PDE1A: variants seen among roughly 807,000 people sequenced by gnomAD.
PDE1A encodes the protein dual specificity calcium/calmodulin-dependent 3',5'-cyclic nucleotide phosphodiesterase 1A.
PDE1A carries 35 observed loss-of-function variants against 61.7 expected under a neutral mutation model. The ratio of observed to expected loss-of-function variants is 0.57; its 90% confidence interval spans 0.43 to 0.75. PDE1A has a LOEUF of 0.75. Among genes scored for constraint, PDE1A ranks in the 30% least tolerant of loss-of-function variants. The pLI is 0.00. For missense variants in PDE1A, 597 were observed against 630.6 expected, an observed-to-expected ratio of 0.95 and a Z score of 0.57; for synonymous variants, 232 against 213.2, an observed-to-expected ratio of 1.09 and a Z score of -0.77.
At chr2:182,597,019 G>A in the PDE1A span, among the ~76,000 whole-genome samples, 1 of 152,068 alleles carries the variant, frequency 6.6e-6, no homozygotes, top group South Asian at 2.1e-4. Context: ...TGGGCACAGT[G>A]TTGAATGCCT....
At chr2:182,375,756 T>C (rs1314109424) in intron 1 of PDE1A, among the ~76,000 whole-genome samples, 2 of 152,230 alleles carry the variant, frequency 1.3e-5, no homozygotes, top group Non-Finnish European at 2.9e-5. Flanking sequence ...AGGTTCTCCA[T>C]GAGAGCCCCA....
chr2:182,163,600 G>A (rs1047940615), downstream of PDE1A, among the ~76,000 whole-genome samples: 2 of 152,156 alleles, frequency 1.3e-5, no homozygotes, highest in Admixed American at 1.3e-4. Flanking sequence ...GTCCAGTGGT[G>A]CAGGGCCTGT....
chr2:182,421,388 C>G (rs1239418790), intron 1 of PDE1A, among the ~76,000 whole-genome samples: 1 of 152,110 alleles, frequency 6.6e-6, no homozygotes, highest in African/African-American at 2.4e-5. Flanking sequence ...TGACTCTATA[C>G]CCAAAATTAT....
At chr2:182,294,225 GA>G (rs990468267) in intron 1 of PDE1A, among the ~76,000 whole-genome samples, 1 of 152,214 alleles carries the variant, frequency 6.6e-6, no homozygotes, top group African/African-American at 2.4e-5. Flanking sequence ...AACCTTGGAT[GA>G]GGGGGGAGCT....
At chr2:182,560,530 G>C in the PDE1A span, among the ~76,000 whole-genome samples, 6 of 151,300 alleles carry the variant, frequency 4.0e-5, no homozygotes, top group African/African-American at 1.5e-4. Flanking sequence ...ACATACGTGT[G>C]CATGTGTCTT....
intron 6 of PDE1A, among the ~76,000 whole-genome samples, chr2:182,229,197 T>C (rs1367434717): frequency 6.6e-6 from 1 of 152,052 alleles, no homozygotes; most frequent in Non-Finnish European, 1.5e-5. Context: ...GTAAAAAAAA[T>C]GCATTCAAGC....
chr2:182,578,293 G>C, the PDE1A span, among the ~76,000 whole-genome samples: 1 of 151,780 alleles, frequency 6.6e-6, no homozygotes, highest in Non-Finnish European at 1.5e-5. Context: ...TTCTTACAAA[G>C]CAAATTTAAG....
chr2:182,603,523 A>AT, the PDE1A span, among the ~76,000 whole-genome samples: 3 of 151,970 alleles, frequency 2.0e-5, no homozygotes, highest in Non-Finnish European at 4.4e-5. Context: ...TAATTTTGGT[A>AT]TTTTTTAGTA....
At chr2:182,325,126 T>C (rs1207899859) in intron 1 of PDE1A, among the ~76,000 whole-genome samples, 1 of 152,084 alleles carries the variant, frequency 6.6e-6, no homozygotes, top group Non-Finnish European at 1.5e-5. Flanking sequence ...GGAGCAAAAA[T>C]GGTAATAAAT....
the PDE1A span, among the ~76,000 whole-genome samples, chr2:182,557,671 C>T: frequency 6.6e-6 from 1 of 152,014 alleles, no homozygotes; most frequent in Non-Finnish European, 1.5e-5. Flanking sequence ...AAAATCGTGC[C>T]ACTGCACTCT....
At chr2:182,337,741 A>C (rs1193023738) in intron 1 of PDE1A, among the ~76,000 whole-genome samples, 2 of 152,198 alleles carry the variant, frequency 1.3e-5, no homozygotes, top group African/African-American at 2.4e-5. Flanking sequence ...AGTTATGTCA[A>C]ATTGGACTTA....
intron 1 of PDE1A, among the ~76,000 whole-genome samples, chr2:182,397,313 G>A (rs564944543): frequency 2.0e-4 from 30 of 152,116 alleles, no homozygotes; most frequent in African/African-American, 6.5e-4. Context: ...CTTGTAGGTC[G>A]AAAACAGTTC....
intron 2 of PDE1A, among the ~76,000 whole-genome samples, chr2:182,507,808 C>T (rs957412623): frequency 2.0e-5 from 3 of 151,872 alleles, no homozygotes. Flanking sequence ...ATACTGCAAC[C>T]AGTGGGAAGT....
At chr2:182,655,722 G>A in the PDE1A span, among the ~76,000 whole-genome samples, 1 of 152,300 alleles carries the variant, frequency 6.6e-6, no homozygotes, top group African/African-American at 2.4e-5. Context: ...CTAGCCAGTA[G>A]GTGGGGGTCA....
chr2:182,566,141 A>G, the PDE1A span, among the ~76,000 whole-genome samples: 1 of 152,114 alleles, frequency 6.6e-6, no homozygotes, highest in South Asian at 2.1e-4. Context: ...TTGTTTTCAC[A>G]TAGGCCATTA....
intron 1 of PDE1A, among the ~76,000 whole-genome samples, chr2:182,315,411 T>C (rs1696274928): frequency 6.6e-6 from 1 of 152,052 alleles, no homozygotes; most frequent in Non-Finnish European, 1.5e-5. Context: ...AAGACAAATA[T>C]TAGTAAATAA....
chr2:182,487,302 C>T (rs1028546967), intron 2 of PDE1A, among the ~76,000 whole-genome samples: 3 of 152,134 alleles, frequency 2.0e-5, no homozygotes, highest in Non-Finnish European at 4.4e-5. Flanking sequence ...GTGGAACTCT[C>T]ATACACTGCT....
At chr2:182,361,956 T>A (rs1294051788) in intron 1 of PDE1A, among the ~76,000 whole-genome samples, 2 of 151,982 alleles carry the variant, frequency 1.3e-5, no homozygotes, top group Non-Finnish European at 1.5e-5. Flanking sequence ...AAAGGAACAG[T>A]TTCAACTGCA....
the PDE1A span, among the ~76,000 whole-genome samples, chr2:182,659,166 T>C: frequency 5.9e-5 from 9 of 152,334 alleles, no homozygotes; most frequent in South Asian, 1.2e-3. Flanking sequence ...CCAAGCAGAA[T>C]GTCTTCATCA....
Sources: allele counts gnomAD v4.1 joint callset (sites outside exome capture counted in the v4.1 genomes callset), GRCh38; gene constraint gnomAD v4.1.1; transcripts MANE v1.5; gene names NCBI Gene and HGNC (gene_info 2026-07-23, HGNC 2026-07-21).